The following ZPBP variants were observed in gnomAD, a reference collection of about 807,000 sequenced individuals.
ZPBP encodes zona pellucida-binding protein 1.
In ZPBP, 26 loss-of-function variants were observed where a neutral mutation model predicts 44.8. That is an observed-to-expected ratio of 0.58 (90% CI 0.43 to 0.81). The LOEUF is 0.81. Among genes scored for constraint, ZPBP ranks in the 30% least tolerant of loss-of-function variants. The pLI is 0.00. For synonymous variants in ZPBP, 174 were observed against 153.2 expected (o/e 1.14, Z -1.00); for missense variants, 409 against 434.0 (o/e 0.94, Z 0.51).
At chr7:49,953,208 C>T (rs1274050444) in intron 7 of ZPBP, among the ~76,000 whole-genome samples, 1 of 152,102 alleles carries the variant, frequency 6.6e-6, no homozygotes, top group Non-Finnish European at 1.5e-5. Flanking sequence ...ACCAACACTG[C>T]TGGAGTTAAG....
chr7:50,092,144 G>A (rs558524397), intron 1 of ZPBP, among the ~76,000 whole-genome samples: 2 of 152,202 alleles, frequency 1.3e-5, no homozygotes, highest in East Asian at 3.9e-4. Context: ...AAGATCACCA[G>A]GTAAAAATTT....
intron 2 of ZPBP, among the ~76,000 whole-genome samples, chr7:49,897,749 C>T (rs969888243): frequency 3.3e-5 from 5 of 152,170 alleles, no homozygotes; most frequent in Non-Finnish European, 5.9e-5. Context: ...TTGAGGAAAA[C>T]CTAACCGGTA....
intron 2 of ZPBP, among the ~76,000 whole-genome samples, chr7:49,894,758 G>A (rs1446245220): frequency 6.6e-6 from 1 of 152,102 alleles, no homozygotes; most frequent in African/African-American, 2.4e-5. Flanking sequence ...CAGGAGGGGA[G>A]GCTCAACTAA....
In ZPBP at chr7:49,877,478, AAAAATATATATATAT is replaced by A. The variant is rs1239904132; in HGVS notation, n.509+23625_509+23639del. The stretch of plus-strand genomic sequence containing the variant: ...ACTCTGTCTCAAAAAAAAAAAAAAA[AAAAATATATATATAT>A]ATATATATATATATATATATATATA... On this transcript the variant is annotated intron_variant and non_coding_transcript_variant, in intron 2 of 2. Coordinates refer to the ZPBP transcript ENST00000465922. 8.7e-3 allele frequency among the ~76,000 whole-genome samples: 342 copies of A among 39,150 alleles called. 50 individuals are homozygous for A. Among genetic ancestry groups the A allele is most frequent in the African/African-American group, 0.036 (321 of 8,890 alleles). 25.7% of individuals were successfully genotyped at this position (39,150 alleles called of 152,430 possible).
chr7:49,983,483 CTTG>C lies in ZPBP; in HGVS notation c.817_819del (p.Gln273del), dbSNP rs1390510525. On this transcript the variant is annotated inframe_deletion, in exon 7 of 8. Coordinates refer to ENST00000046087, the MANE Select transcript of ZPBP (RefSeq NM_007009.3). ...TCTGCACGTCTGCCAAGAATTTCTACTTGTTGATTAAAAAATCTCTCTATGAGA... is the reference window on the plus strand; with the variant it reads ...TCTGCACGTCTGCCAAGAATTTCTACTTGATTAAAAAATCTCTCTATGAGA... 1 of 1,608,732 alleles carries C rather than the reference CTTG, an allele frequency of 6.2e-7. No homozygotes were observed. The highest frequency in any genetic ancestry group is 8.5e-7 in the Non-Finnish European group (1 of 1,176,696).
At chr7:49,977,343 C>T (rs1383534342) in intron 7 of ZPBP, among the ~76,000 whole-genome samples, 3 of 152,050 alleles carry the variant, frequency 2.0e-5, no homozygotes, top group South Asian at 2.1e-4. Context: ...GTGAAAACGA[C>T]GCAAAGGAAA....
chr7:49,984,379 C>A (rs1014517619), intron 6 of ZPBP, among the ~76,000 whole-genome samples: 11 of 152,162 alleles, frequency 7.2e-5, no homozygotes, highest in Non-Finnish European at 1.6e-4. Context: ...CATAAAGTAA[C>A]TTAAAATATT....
At chr7:49,952,317 A>C (rs1406034498) in intron 7 of ZPBP, among the ~76,000 whole-genome samples, 1 of 151,980 alleles carries the variant, frequency 6.6e-6, no homozygotes, top group Non-Finnish European at 1.5e-5. Context: ...TCAAAAGGAG[A>C]GGTCAGTCAA....
In ZPBP at chr7:49,982,201, TTATA is replaced by T. The variant is rs1335205644; in HGVS notation, c.961+1137_961+1140del. 5.7e-3 allele frequency among the ~76,000 whole-genome samples: 157 copies of T among 27,386 alleles called. 22 individuals are homozygous for T. Among genetic ancestry groups the T allele is most frequent in the African/African-American group, 0.023 (146 of 6,256 alleles). 18.0% of individuals were successfully genotyped at this position (27,386 alleles called of 152,430 possible). A position where few individuals can be genotyped will look rare whatever the true frequency, so the allele number is the denominator to read the frequency against. ...TATAATTTATTATTATATATATTTA[TTATA>T]TATATATATAATGTAATATATAATA... On this transcript the variant is annotated intron_variant, in intron 7 of 7. Transcript: ENST00000046087.
At chr7:50,020,330 C>G (rs1294184573) in intron 5 of ZPBP, among the ~76,000 whole-genome samples, 1 of 152,046 alleles carries the variant, frequency 6.6e-6, no homozygotes, top group Non-Finnish European at 1.5e-5. Context: ...GAAACTAATG[C>G]AAAACTGTCA....
intron 7 of ZPBP, among the ~76,000 whole-genome samples, chr7:49,972,779 G>GAA (rs1368657355): frequency 6.6e-6 from 1 of 151,578 alleles, no homozygotes; most frequent in Non-Finnish European, 1.5e-5. Flanking sequence ...AACAATCTTA[G>GAA]AAAAGAAAAA....
chr7:49,941,108 C>T (rs1794863717), intron 7 of ZPBP, among the ~76,000 whole-genome samples: 1 of 152,114 alleles, frequency 6.6e-6, no homozygotes, highest in Non-Finnish European at 1.5e-5. Context: ...GATATCAGCT[C>T]ACAACCATTA....
chr7:50,007,983 C>T (rs1052282106), intron 6 of ZPBP, among the ~76,000 whole-genome samples: 1 of 151,782 alleles, frequency 6.6e-6, no homozygotes, highest in Non-Finnish European at 1.5e-5. Context: ...CTGATTTTGC[C>T]TCTTATTTTC....
At chr7:50,058,766 T>G (rs1412312967) in intron 3 of ZPBP, among the ~76,000 whole-genome samples, 4 of 152,190 alleles carry the variant, frequency 2.6e-5, no homozygotes, top group African/African-American at 9.7e-5. Context: ...TAGAATGGGA[T>G]GTAAGCTCCC....
chr7:50,078,594 T>G (rs779869882), intron 3 of ZPBP, among the ~76,000 whole-genome samples: 1 of 151,040 alleles, frequency 6.6e-6, no homozygotes, highest in Non-Finnish European at 1.5e-5. Flanking sequence ...GTGTAAGACC[T>G]AAAACAATAA....
chr7:49,851,520 G>T (rs1790177446), intron 2 of ZPBP, among the ~76,000 whole-genome samples: 1 of 152,200 alleles, frequency 6.6e-6, no homozygotes, highest in Non-Finnish European at 1.5e-5. Context: ...ACATCACAGT[G>T]TGTGAGTGAA....
At chr7:50,053,552 G>A (rs1800790827) in intron 4 of ZPBP, among the ~76,000 whole-genome samples, 1 of 152,168 alleles carries the variant, frequency 6.6e-6, no homozygotes, top group African/African-American at 2.4e-5. Context: ...TGGAGACGAA[G>A]AAGGAATGCT....
chr7:49,906,530 G>T (rs1380626170), intron 1 of ZPBP, among the ~76,000 whole-genome samples: 1 of 152,026 alleles, frequency 6.6e-6, no homozygotes, highest in Non-Finnish European at 1.5e-5. Context: ...TATAGATGGG[G>T]TTTCACTGTG....
At chr7:49,943,824 C>A (rs536194679) in intron 7 of ZPBP, 5 of 243,398 alleles carry the variant, frequency 2.1e-5, no homozygotes, top group Non-Finnish European at 4.0e-5. Flanking sequence ...ATCCTATATT[C>A]CTTTGGACTG....
Sources: allele counts gnomAD v4.1 joint callset (sites outside exome capture counted in the v4.1 genomes callset), GRCh38; gene constraint gnomAD v4.1.1; transcripts MANE v1.5; gene names NCBI Gene and HGNC (gene_info 2026-07-23, HGNC 2026-07-21).